The following KERA variants were observed in gnomAD, a reference collection of about 807,000 sequenced individuals.
KERA encodes keratan sulfate proteoglycan keratocan.
KERA carries 25 observed loss-of-function variants against 26.4 expected under a neutral mutation model. The ratio of observed to expected loss-of-function variants is 0.95; its 90% confidence interval spans 0.69 to 1.32. The LOEUF is 1.32. Ranked by LOEUF, KERA falls within the 40% of genes most tolerant of loss-of-function variation. KERA has a pLI of 0.00. For missense variants in KERA, 434 were observed against 408.9 expected (o/e 1.06, Z -0.53); for synonymous variants, 167 against 146.1 (o/e 1.14, Z -1.03).
At chr12:91,051,853 T>G (rs1878875673) in intron 2 of KERA, among the ~76,000 whole-genome samples, 1 of 151,510 alleles carries the variant, frequency 6.6e-6, no homozygotes, top group African/African-American at 2.4e-5. Flanking sequence ...ACATTTAGAT[T>G]GCTGTAGGTA....
At position 91,055,540 on chromosome 12, in the gene KERA, T is replaced by C. The variant is rs1407689936; in HGVS notation, c.742A>G (p.Lys248Glu). The C allele has an allele frequency of 6.2e-7, 1 of 1,610,450 alleles. No homozygotes were observed. Among genetic ancestry groups the C allele is most frequent in the Non-Finnish European group, 8.5e-7 (1 of 1,177,774 alleles). The part of the protein sequence containing the change: ...KVAFLRLNHN[K>E]LSDEGLPSRG... ...GATGGGAGACCCTCATCTGACAGTT[T>C]GTTGTGATTTAGTCTCAAAAAGGCC... The change falls in exon 2 of 3, where the codon AAA becomes GAA. Residue 248 changes from lysine to glutamate, a missense_variant. Coordinates refer to ENST00000266719, the MANE Select transcript of KERA (RefSeq NM_007035.4).
rs121917860 is a variant in KERA, at chr12:91,055,762, G to C, written c.520C>G (p.Gln174Glu). 6.2e-7 allele frequency: 1 copy of C among 1,611,390 alleles called. No individual in the cohort carries two copies. The change falls in exon 2 of 3, where the codon CAG becomes GAG. Residue 174 changes from glutamine to glutamate, a missense_variant. Transcript: ENST00000266719. Reference sequence around the variant, plus strand: ...GCATTGTCCACTAATTTGTTGTTCTGTAGGTCAAGAAGGGTCAGGTTCTCC... The same window carrying C: ...GCATTGTCCACTAATTTGTTGTTCTCTAGGTCAAGAAGGGTCAGGTTCTCC... ...NLENLTLLDL[Q>E]NNKLVDNAFQ...
At chr12:91,053,963 T>C (rs1287342406) in intron 2 of KERA, among the ~76,000 whole-genome samples, 3 of 151,354 alleles carry the variant, frequency 2.0e-5, no homozygotes, top group Non-Finnish European at 3.0e-5. Context: ...CACAGAACAC[T>C]CGTCAGGAAA....
chr12:91,056,130 C>T lies in KERA; in HGVS notation c.152G>A (p.Ser51Asn), dbSNP rs1309562121. Reference protein sequence around the residue: ...ECPMECFCPPSFPTALYCENR... With the variant: ...ECPMECFCPPNFPTALYCENR... Reference sequence around the variant, plus strand: ...TTCACAATATAAAGCAGTAGGAAAACTGGGTGGGCAGAAACATTCCATGGG... The same window carrying T: ...TTCACAATATAAAGCAGTAGGAAAATTGGGTGGGCAGAAACATTCCATGGG... Residue 51 changes from serine (S) to asparagine (N), a missense_variant, in exon 2 of 3, where the codon AGT becomes AAT. Physicochemically the swap from Ser to Asn is conservative, Grantham distance 46. Transcript: ENST00000266719. 1.2e-6 allele frequency: 2 copies of T among 1,610,294 alleles called. No individual in the cohort carries two copies. The highest frequency in any genetic ancestry group is 2.7e-5 in the African/African-American group (2 of 74,594).
intron 2 of KERA, among the ~76,000 whole-genome samples, chr12:91,053,051 C>T (rs1454327728): frequency 6.6e-6 from 1 of 151,432 alleles, no homozygotes; most frequent in Non-Finnish European, 1.5e-5. Flanking sequence ...GACAAGTTCA[C>T]TGTCTCATAA....
chr12:91,056,876 A>T (rs11105957), intron 1 of KERA, among the ~76,000 whole-genome samples: 3 of 150,812 alleles, frequency 2.0e-5, no homozygotes, highest in Non-Finnish European at 4.5e-5. Flanking sequence ...CAACCTCTCA[A>T]GTAAGTTTTT....
At chr12:91,057,227 G>T (rs1031745869) in intron 1 of KERA, among the ~76,000 whole-genome samples, 2 of 150,188 alleles carry the variant, frequency 1.3e-5, no homozygotes, top group East Asian at 3.9e-4. Flanking sequence ...ATGGAAAGTA[G>T]GTTAGCGTTT....
At chr12:91,052,148 G>C (rs1592646628) in intron 2 of KERA, among the ~76,000 whole-genome samples, 1 of 151,558 alleles carries the variant, frequency 6.6e-6, no homozygotes, top group South Asian at 2.1e-4. Context: ...ATTTTGCTAA[G>C]AATTGAATGA....
rs769750761 is a variant in KERA at position 91,056,001 on chromosome 12, G to T, written c.281C>A (p.Ala94Asp). 6.2e-7 allele frequency: 1 copy of T among 1,610,384 alleles called. No individual in the cohort carries two copies. The highest frequency in any genetic ancestry group is 8.5e-7 in the Non-Finnish European group (1 of 1,177,948). The change falls in exon 2 of 3, where the codon GCC (alanine) becomes GAC (aspartate). Residue 94 changes from alanine (A) to aspartate (D), a missense_variant. Coordinates refer to ENST00000266719, the MANE Select transcript of KERA (RefSeq NM_007035.4). ...TAGATTTATCCATCTTAGCTGGGTG[G>T]CATTCTCAAATGGCTTTTCAGGAAT... is the stretch of plus-strand genomic sequence containing the variant. ...ETIPEKPFEN[A>D]TQLRWINLNK...
Position 91,056,074 on chromosome 12 carries a change from G to C in KERA, c.208C>G (p.Pro70Ala). The C allele has an allele frequency of 1.2e-6, 2 of 1,608,266 alleles. No homozygotes were observed. Among genetic ancestry groups the C allele is most frequent in the Non-Finnish European group, 1.7e-6 (2 of 1,177,424 alleles). ...AGATAAAGATACCAAATTCTTGAAGGAATAGCAGGAATTTCTTTGAGACCT... is the reference window on the plus strand; with the variant it reads ...AGATAAAGATACCAAATTCTTGAAGCAATAGCAGGAATTTCTTTGAGACCT... ...NRGLKEIPAI[P>A]SRIWYLYLQN... The change falls in exon 2 of 3, where the codon CCT becomes GCT. Residue 70 changes from proline (P) to alanine (A), a missense_variant. By Grantham distance (27) the Pro-to-Ala change is conservative. Coordinates refer to ENST00000266719, the MANE Select transcript of KERA (RefSeq NM_007035.4).
At position 91,055,603 on chromosome 12, in the gene KERA, C is replaced by T. The variant is rs150036305; in HGVS notation, c.679G>A (p.Gly227Arg). 8 of 1,610,842 alleles carry T rather than the reference C, an allele frequency of 5.0e-6. No homozygotes were observed. In the African/African-American group the frequency reaches 9.4e-5, roughly 19 times the overall value. Reference protein sequence around the residue: ...QLFLDNNSIEGIPENYFNVIP... With the variant: ...QLFLDNNSIERIPENYFNVIP... ...ACATTAAAATAATTTTCTGGTATTC[C>T]TTCAATGGAATTGTTGTCTAAAAAC... Residue 227 changes from glycine to arginine, a missense_variant, in exon 2 of 3, where the codon GGA becomes AGA. By Grantham distance (125) the Gly-to-Arg change is moderately radical. Transcript: ENST00000266719.
Position 91,055,403 on chromosome 12 carries a change from T to A in KERA, c.879A>T (p.Lys293Asn), listed in dbSNP as rs1039503192. The A allele has an allele frequency of 4.3e-6, 7 of 1,609,874 alleles. No homozygotes were observed. Among genetic ancestry groups the A allele is most frequent in the Non-Finnish European group, 5.9e-6 (7 of 1,177,180 alleles). ...HLQHLHLDHN[K>N]IKSVNVSVIC... Reference sequence around the variant, plus strand: ...ACTCTGCAGGTTACTTACTTTTAATTTTGTTATGATCAAGGTGAAGGTGCT... The same window carrying A: ...ACTCTGCAGGTTACTTACTTTTAATATTGTTATGATCAAGGTGAAGGTGCT... The change falls in exon 2 of 3, where the codon AAA (lysine) becomes AAT (asparagine). Residue 293 changes from lysine (K) to asparagine (N), a missense_variant. Transcript: ENST00000266719.
chr12:91,056,100 C>G lies in KERA; in HGVS notation c.182G>C (p.Arg61Thr), dbSNP rs751660260. 14 of 1,609,560 alleles carry G rather than the reference C, an allele frequency of 8.7e-6. No individual in the cohort carries two copies. The highest frequency in any genetic ancestry group is 1.2e-5 in the Non-Finnish European group (14 of 1,177,814). The change falls in exon 2 of 3, where the codon AGA becomes ACA. Residue 61 changes from arginine (R) to threonine (T), a missense_variant. Coordinates refer to ENST00000266719, the MANE Select transcript of KERA (RefSeq NM_007035.4). ...SFPTALYCEN[R>T]GLKEIPAIPS... ...AATAGCAGGAATTTCTTTGAGACCT[C>G]TATTTTCACAATATAAAGCAGTAGG...
rs200817351 is a variant in KERA at position 91,055,858 on chromosome 12, T to C, written c.424A>G (p.Arg142Gly). Reference sequence around the variant, plus strand: ...GCTAATTGTAATTGTTCTAAACTTCTTGGCAATGGAGAAGGTACCTCCTCT... The same window carrying C: ...GCTAATTGTAATTGTTCTAAACTTCCTGGCAATGGAGAAGGTACCTCCTCT... ...ELEEVPSPLP[R>G]SLEQLQLARN... is the part of the protein sequence containing the mutation. The change falls in exon 2 of 3, where the codon AGA (arginine) becomes GGA (glycine). Residue 142 changes from arginine to glycine, a missense_variant. By Grantham distance (125) the Arg-to-Gly change is moderately radical. Coordinates refer to ENST00000266719, the MANE Select transcript of KERA (RefSeq NM_007035.4). The C allele has an allele frequency of 2.5e-6, 4 of 1,611,370 alleles. No individual in the cohort carries two copies. Among genetic ancestry groups the C allele is most frequent in the East Asian group, 2.2e-5 (1 of 44,810 alleles).
At chr12:91,056,343 A>C in intron 1 of KERA, 54 bp from the exon 2 acceptor site, 1 of 1,360,588 alleles carries the variant, frequency 7.3e-7, no homozygotes, top group Non-Finnish European at 1.0e-6. Context: ...ACCTTTAGAT[A>C]ATTTTATACA....
Position 91,055,600 on chromosome 12 carries a change from T to A in KERA, c.682A>T (p.Ile228Leu). 6.2e-7 allele frequency: 1 copy of A among 1,611,094 alleles called. No homozygotes were observed. Among genetic ancestry groups the A allele is most frequent in the Non-Finnish European group, 8.5e-7 (1 of 1,178,032 alleles). The change falls in exon 2 of 3, where the codon ATA (isoleucine) becomes TTA (leucine). Residue 228 changes from isoleucine (I) to leucine (L), a missense_variant. Physicochemically the swap from Ile to Leu is conservative, Grantham distance 5. Coordinates refer to ENST00000266719, the MANE Select transcript of KERA (RefSeq NM_007035.4). ...ATCACATTAAAATAATTTTCTGGTA[T>A]TCCTTCAATGGAATTGTTGTCTAAA... ...LFLDNNSIEG[I>L]PENYFNVIPK...
chr12:91,055,440 C>T lies in KERA; in HGVS notation c.842G>A (p.Ser281Asn). ...HNQLTKVPRI[S>N]AHLQHLHLDH... ...AAGGTGAAGGTGCTGCAGATGAGCA[C>T]TGATTCGGGGAACCTTTGTGAGTTG... Residue 281 changes from serine to asparagine, a missense_variant, in exon 2 of 3, where the codon AGT becomes AAT. Physicochemically the swap from Ser to Asn is conservative, Grantham distance 46. Transcript: ENST00000266719. The T allele has an allele frequency of 6.2e-7, 1 of 1,610,364 alleles. No individual in the cohort carries two copies.
intron 2 of KERA, among the ~76,000 whole-genome samples, chr12:91,055,163 G>A (rs143172646): frequency 6.6e-6 from 1 of 151,230 alleles, no homozygotes; most frequent in Non-Finnish European, 1.5e-5. Context: ...ATAGTCCTCT[G>A]TAGATGACTC....
rs2120961842 is a variant in KERA, at chr12:91,055,677, T to C, written c.605A>G (p.Asn202Ser). ...TCTTGGAGGCATATTCCTCAGGGCA[T>C]TCTTGGCCATGTTTAGCTGCATGAG... ...KNLMQLNMAKNALRNMPPRLP... is the reference protein window; with the variant it reads ...KNLMQLNMAKSALRNMPPRLP... The change falls in exon 2 of 3, where the codon AAT becomes AGT. Residue 202 changes from asparagine to serine, a missense_variant. By Grantham distance (46) the Asn-to-Ser change is conservative. Transcript: ENST00000266719. The C allele has an allele frequency of 6.2e-7, 1 of 1,611,402 alleles. No homozygotes were observed. The highest frequency in any genetic ancestry group is 2.2e-5 in the East Asian group (1 of 44,788).
Sources: gnomAD v4.1 joint callset for allele counts (sites outside exome capture counted in the v4.1 genomes callset) on GRCh38, gnomAD v4.1.1 for gene constraint, MANE v1.5 for transcripts, NCBI Gene and HGNC (gene_info 2026-07-23, HGNC 2026-07-21) for gene names.